The following LHFPL3 variants were observed in gnomAD, a reference collection of about 807,000 sequenced individuals.
LHFPL3 encodes LHFPL tetraspan subfamily member 3.
Under a neutral mutation model 19.3 loss-of-function variants are expected in LHFPL3, and 5 were observed. The observed-to-expected ratio is 0.26, with a 90% CI of 0.14 to 0.54. The LOEUF is 0.54. LHFPL3 is among the 20% of genes least tolerant of loss of function. The pLI is 0.94. For missense variants in LHFPL3, 249 were observed against 307.4 expected, an observed-to-expected ratio of 0.81 and a Z score of 1.42; for synonymous variants, 133 against 126.2, an observed-to-expected ratio of 1.05 and a Z score of -0.36.
intron 1 of LHFPL3, among the ~76,000 whole-genome samples, chr7:104,355,055 C>G (rs1301255959): frequency 3.3e-5 from 5 of 152,036 alleles, no homozygotes; most frequent in African/African-American, 1.2e-4. Context: ...TTTTGTTTAA[C>G]CAAAAAATAT....
chr7:104,545,962 TC>T (rs781464391), intron 1 of LHFPL3, among the ~76,000 whole-genome samples: 9 of 152,172 alleles, frequency 5.9e-5, no homozygotes, highest in Non-Finnish European at 1.0e-4. Context: ...TGTGAATATG[TC>T]CAGACACTAA....
intron 1 of LHFPL3, among the ~76,000 whole-genome samples, chr7:104,698,267 C>A (rs950767756): frequency 3.3e-5 from 5 of 152,156 alleles, no homozygotes; most frequent in South Asian, 2.1e-4. Context: ...ATTATCTATA[C>A]CTGATAATAT....
intron 2 of LHFPL3, among the ~76,000 whole-genome samples, chr7:104,757,007 T>TAG (rs1794298356): frequency 2.0e-5 from 3 of 152,110 alleles, no homozygotes; most frequent in Non-Finnish European, 4.4e-5. Context: ...AATGGTGCCC[T>TAG]ACAAGTGAGA....
At chr7:104,538,305 GC>G (rs1347003131) in intron 1 of LHFPL3, among the ~76,000 whole-genome samples, 10 of 152,180 alleles carry the variant, frequency 6.6e-5, no homozygotes, top group Non-Finnish European at 1.2e-4. Context: ...GTCCCGAGGT[GC>G]TAAAAATACA....
intron 1 of LHFPL3, among the ~76,000 whole-genome samples, chr7:104,717,694 T>C (rs534714758): frequency 6.6e-6 from 1 of 152,314 alleles, no homozygotes; most frequent in African/African-American, 2.4e-5. Flanking sequence ...AACTCTTGTA[T>C]ATTGTTGGTG....
At chr7:104,444,633 A>T (rs1792292373) in intron 1 of LHFPL3, among the ~76,000 whole-genome samples, 1 of 152,206 alleles carries the variant, frequency 6.6e-6, no homozygotes. Context: ...GACTGGCAGA[A>T]TCTAACTATA....
chr7:104,571,862 C>G (rs1790236709), intron 1 of LHFPL3, among the ~76,000 whole-genome samples: 1 of 151,958 alleles, frequency 6.6e-6, no homozygotes, highest in Non-Finnish European at 1.5e-5. Context: ...TGATGATTCT[C>G]TGGATGCATT....
intron 1 of LHFPL3, among the ~76,000 whole-genome samples, chr7:104,424,983 T>TAAAAAAAAAAAAAAAAAAAAA (rs71153196): frequency 2.5e-4 from 16 of 65,160 alleles, no homozygotes; most frequent in African/African-American, 9.8e-4. Context: ...CTCCATCTCA[T>TAAAAAAAAAAAAAAAAAAAAA]AAAAAAAAAA....
chr7:104,621,746 T>C (rs968952645), intron 1 of LHFPL3, among the ~76,000 whole-genome samples: 6 of 152,226 alleles, frequency 3.9e-5, no homozygotes, highest in Non-Finnish European at 7.3e-5. Flanking sequence ...TTCAGTCCTT[T>C]CATTTTATTA....
intron 1 of LHFPL3, among the ~76,000 whole-genome samples, chr7:104,354,770 C>T (rs1159761594): frequency 1.3e-5 from 2 of 151,918 alleles, no homozygotes; most frequent in Non-Finnish European, 2.9e-5. Context: ...ATTATGCCAC[C>T]CACATATGTA....
chr7:104,727,735 G>A (rs940844049), intron 1 of LHFPL3, among the ~76,000 whole-genome samples: 1 of 151,948 alleles, frequency 6.6e-6, no homozygotes, highest in African/African-American at 2.4e-5. Flanking sequence ...ATACTCCAAA[G>A]AGAAGAGAAA....
At position 104,417,928 on chromosome 7, in the gene LHFPL3, T is replaced by G. The variant is rs145041225; in HGVS notation, c.445+88704T>G. On this transcript the variant is annotated intron_variant, in intron 1 of 2. Coordinates refer to ENST00000424859, the MANE Select transcript of LHFPL3 (RefSeq NM_199000.3). ...GATGGGGTCTTGCTCTGTCACCCAG[T>G]CTGGAGTGTAATGGTGCAATCTTGG... Among the ~76,000 whole-genome samples, 1,103 of 144,798 alleles carry G rather than the reference T, an allele frequency of 7.6e-3. 59 individuals are homozygous for G. The East Asian group carries it at 0.15, about 20-fold the overall frequency. The allele number at this position is 144,798 out of a possible 152,430, so 95.0% of individuals were successfully genotyped here. A position where few individuals can be genotyped will look rare whatever the true frequency, so the allele number is the denominator to read the frequency against.
chr7:104,673,465 C>T (rs73181846), intron 1 of LHFPL3, among the ~76,000 whole-genome samples: 6,115 of 152,252 alleles, frequency 0.04, 147 homozygotes, highest in African/African-American at 0.055. Context: ...AAAGGCAACA[C>T]GAAGGAAACT....
intron 2 of LHFPL3, among the ~76,000 whole-genome samples, chr7:104,865,767 T>G (rs746102364): frequency 5.9e-5 from 9 of 152,090 alleles, no homozygotes; most frequent in Non-Finnish European, 1.2e-4. Flanking sequence ...CCAAGACACA[T>G]AATTCTCAGA....
chr7:104,414,578 T>C (rs1297730062), intron 1 of LHFPL3, among the ~76,000 whole-genome samples: 1 of 152,244 alleles, frequency 6.6e-6, no homozygotes, highest in Non-Finnish European at 1.5e-5. Flanking sequence ...TCTTTTTTCC[T>C]ATTTCAGAAG....
intron 1 of LHFPL3, among the ~76,000 whole-genome samples, chr7:104,390,376 C>T (rs1054413537): frequency 2.0e-5 from 3 of 151,536 alleles, no homozygotes; most frequent in Non-Finnish European, 2.9e-5. Flanking sequence ...TGTAGTGTTC[C>T]CCAACCTGTG....
At chr7:104,419,252 G>A (rs972379434) in intron 1 of LHFPL3, among the ~76,000 whole-genome samples, 7 of 152,204 alleles carry the variant, frequency 4.6e-5, no homozygotes, top group East Asian at 1.9e-4. Context: ...AGGGACTAGC[G>A]TGTCACAGTA....
At chr7:104,618,797 G>T (rs938472312) in intron 1 of LHFPL3, among the ~76,000 whole-genome samples, 5 of 152,132 alleles carry the variant, frequency 3.3e-5, no homozygotes, top group African/African-American at 1.2e-4. Context: ...ATCCAGAAAG[G>T]TCATGTGACT....
intron 2 of LHFPL3, among the ~76,000 whole-genome samples, chr7:104,791,777 A>G (rs1790029092): frequency 6.6e-6 from 1 of 152,112 alleles, no homozygotes; most frequent in Non-Finnish European, 1.5e-5. Context: ...TTGTTCCCCC[A>G]GGGGTGCAGG....
Sources: allele counts gnomAD v4.1 joint callset (sites outside exome capture counted in the v4.1 genomes callset), GRCh38; gene constraint gnomAD v4.1.1; transcripts MANE v1.5; gene names NCBI Gene and HGNC (gene_info 2026-07-23, HGNC 2026-07-21).